The following GABRB2 variants were observed in gnomAD, a reference collection of about 807,000 sequenced individuals.
The protein encoded by GABRB2 is gamma-aminobutyric acid receptor subunit beta-2.
A neutral mutation model predicts 54.7 loss-of-function variants in GABRB2; 16 were observed. That is an observed-to-expected ratio of 0.29 (90% CI 0.20 to 0.44). The LOEUF is 0.44. Ranked by LOEUF, GABRB2 falls within the 20% of genes least tolerant of loss-of-function variation. GABRB2 has a pLI of 1.00. For missense variants in GABRB2, 355 were observed against 644.0 expected, an observed-to-expected ratio of 0.55 and a Z score of 4.86; for synonymous variants, 244 against 233.8, an observed-to-expected ratio of 1.04 and a Z score of -0.40.
At chr5:161,479,599 T>TG (rs1758693715) in intron 3 of GABRB2, among the ~76,000 whole-genome samples, 1 of 151,242 alleles carries the variant, frequency 6.6e-6, no homozygotes, top group Non-Finnish European at 1.5e-5. Context: ...TTTTTTTTTT[T>TG]TTTTGAGGTG....
At position 161,373,919 on chromosome 5, in the gene GABRB2, CTTTAT is replaced by C. The variant is rs147829012; in HGVS notation, c.541+37051_541+37055del. Among the ~76,000 whole-genome samples, 182 of 151,780 alleles carry C rather than the reference CTTTAT, an allele frequency of 1.2e-3. 1 individual carries two copies. The South Asian group carries it at 0.026, about 22-fold the overall frequency. ...GTCTCCAGTTCAGTCTTCTCGTCTT[CTTTAT>C]TTTATTTTATTTTATTTTATTAATT... On this transcript the variant is annotated intron_variant, in intron 5 of 9. Transcript: ENST00000393959.
At chr5:161,387,847 T>G (rs900014008) in intron 5 of GABRB2, among the ~76,000 whole-genome samples, 2 of 152,218 alleles carry the variant, frequency 1.3e-5, no homozygotes, top group Non-Finnish European at 2.9e-5. Flanking sequence ...ATGGCATGAG[T>G]TTTGAAAATT....
chr5:161,516,632 G>T (rs1759957993), intron 3 of GABRB2, among the ~76,000 whole-genome samples: 1 of 150,488 alleles, frequency 6.6e-6, no homozygotes, highest in Non-Finnish European at 1.5e-5. Context: ...TGTAGGGTTT[G>T]CAAATAAAGT....
At chr5:161,533,105 TG>T (rs138312965) in intron 3 of GABRB2, among the ~76,000 whole-genome samples, 31,065 of 152,058 alleles carry the variant, frequency 0.2, 3,616 homozygotes, top group Non-Finnish European at 0.27. Flanking sequence ...GGCAGGTAAA[TG>T]GGCAGTAGAT....
intron 5 of GABRB2, among the ~76,000 whole-genome samples, chr5:161,341,204 T>A (rs1341315124): frequency 6.6e-6 from 1 of 151,952 alleles, no homozygotes; most frequent in African/African-American, 2.4e-5. Context: ...TCTGGAGGAA[T>A]ATTTAGCAGT....
chr5:161,472,728 C>T (rs763611521), intron 3 of GABRB2, among the ~76,000 whole-genome samples: 8 of 151,978 alleles, frequency 5.3e-5, no homozygotes, highest in Admixed American at 5.3e-4. Context: ...GAGGGATGTA[C>T]GGTGCTACCT....
In GABRB2 at chr5:161,389,765, G is replaced by A. The variant is rs1459793818; in HGVS notation, c.541+21210C>T. ...TCTTTAATAACTCAAAAACCTCTAGGATACATCTCAAAGGTAATATTTTAC... is the reference window on the plus strand; with the variant it reads ...TCTTTAATAACTCAAAAACCTCTAGAATACATCTCAAAGGTAATATTTTAC... On this transcript the variant is annotated intron_variant, in intron 5 of 9. Coordinates refer to ENST00000393959, the MANE Select transcript of GABRB2 (RefSeq NM_001371727.1). 2.6e-5 allele frequency among the ~76,000 whole-genome samples: 4 copies of A among 151,776 alleles called. No individual in the cohort carries two copies. In the East Asian group the frequency reaches 7.7e-4, roughly 29 times the overall value.
At chr5:161,488,339 T>C (rs187686087) in intron 3 of GABRB2, among the ~76,000 whole-genome samples, 1 of 151,024 alleles carries the variant, frequency 6.6e-6, no homozygotes, top group East Asian at 2.0e-4. Context: ...GTCCTAGGAG[T>C]ATGTTTTGGG....
intron 3 of GABRB2, among the ~76,000 whole-genome samples, chr5:161,463,559 A>T (rs1317582108): frequency 1.7e-5 from 1 of 59,660 alleles, no homozygotes. Flanking sequence ...TTTTATTTAT[A>T]TATATATATA....
chr5:161,401,836 C>T (rs1398140350), intron 5 of GABRB2, among the ~76,000 whole-genome samples: 2 of 152,090 alleles, frequency 1.3e-5, no homozygotes, highest in Admixed American at 6.6e-5. Flanking sequence ...GAAAATTCAA[C>T]TTCTATGCAT....
chr5:161,391,899 A>G (rs1755834703), intron 5 of GABRB2, among the ~76,000 whole-genome samples: 1 of 152,166 alleles, frequency 6.6e-6, no homozygotes. Context: ...ACTGACTGCT[A>G]TTATGTTCCC....
At chr5:161,311,987 G>A (rs948116831) in intron 9 of GABRB2, among the ~76,000 whole-genome samples, 5 of 151,942 alleles carry the variant, frequency 3.3e-5, no homozygotes, top group Middle Eastern at 3.4e-3. Context: ...CATCTATTTG[G>A]TAAAGGGTAG....
chr5:161,518,197 T>C (rs1009065894), intron 3 of GABRB2, among the ~76,000 whole-genome samples: 6 of 152,238 alleles, frequency 3.9e-5, no homozygotes, highest in Non-Finnish European at 8.8e-5. Context: ...GGGAAGATTC[T>C]ATTCTTAACA....
rs1449809412 is a variant in GABRB2, at chr5:161,316,151, G to A, written c.1191+10217C>T. Among the ~76,000 whole-genome samples, 11 of 152,146 alleles carry A rather than the reference G, an allele frequency of 7.2e-5. No homozygotes were observed. In the South Asian group the frequency reaches 1.4e-3, roughly 20 times the overall value. ...AGAGCTATGTAATTTTGAGGTTACT[G>A]GATGAGATCTTGATGATCACATCCT... is the stretch of plus-strand genomic sequence containing the variant. On this transcript the variant is annotated intron_variant, in intron 9 of 9. Coordinates refer to ENST00000393959, the MANE Select transcript of GABRB2 (RefSeq NM_001371727.1).
In GABRB2 at chr5:161,289,224, G is replaced by A. The variant is rs1757167179; in HGVS notation, c.*4857C>T. Reference sequence around the variant, plus strand: ...TTCCAAAAACCTAGTAGCTTTTTAAGAGTGCTGCTTTTTTTTTTTTTTTTT... The same window carrying A: ...TTCCAAAAACCTAGTAGCTTTTTAAAAGTGCTGCTTTTTTTTTTTTTTTTT... On this transcript the variant is annotated 3_prime_UTR_variant, in exon 10 of 10. Coordinates refer to ENST00000393959, the MANE Select transcript of GABRB2 (RefSeq NM_001371727.1). 1 of 93,350 alleles carries A rather than the reference G, an allele frequency of 1.1e-5. No homozygotes were observed. Among genetic ancestry groups the A allele is most frequent in the Non-Finnish European group, 1.9e-5 (1 of 53,724 alleles). 5.8% of individuals were successfully genotyped at this position (93,350 alleles called of 1,614,324 possible). A position where few individuals can be genotyped will look rare whatever the true frequency, so the allele number is the denominator to read the frequency against.
At chr5:161,478,091 C>T (rs537364291) in intron 3 of GABRB2, among the ~76,000 whole-genome samples, 42 of 152,112 alleles carry the variant, frequency 2.8e-4, no homozygotes, top group South Asian at 2.7e-3. Context: ...ATAACTGGAG[C>T]TATTCTTCCC....
rs764431512 is a variant in GABRB2, at chr5:161,545,341, A to T, written c.170-47T>A. ...CACGTGATTTCTTTGAACTTCATTC[A>T]TTCTCAGCAAGAGTTATCCCTGAGC... On this transcript the variant is annotated intron_variant, in intron 2 of 9. Transcript: ENST00000393959. The T allele has an allele frequency of 2.0e-6, 3 of 1,467,050 alleles. No individual in the cohort carries two copies. In the Admixed American group the frequency reaches 5.9e-5, roughly 29 times the overall value. 90.9% of individuals were successfully genotyped at this position (1,467,050 alleles called of 1,614,324 possible).
intron 4 of GABRB2, among the ~76,000 whole-genome samples, chr5:161,421,738 A>G (rs1007770422): frequency 1.8e-4 from 28 of 152,216 alleles, no homozygotes; most frequent in African/African-American, 6.3e-4. Context: ...TCAGATGGTG[A>G]CAAATATCAT....
chr5:161,346,982 A>C (rs953748533), intron 5 of GABRB2, among the ~76,000 whole-genome samples: 3 of 152,112 alleles, frequency 2.0e-5, no homozygotes, highest in Non-Finnish European at 2.9e-5. Context: ...GCTCATGTAA[A>C]TAGCAAGAGA....
Sources: gnomAD v4.1 joint callset for allele counts (sites outside exome capture counted in the v4.1 genomes callset) on GRCh38, gnomAD v4.1.1 for gene constraint, MANE v1.5 for transcripts, NCBI Gene and HGNC (gene_info 2026-07-23, HGNC 2026-07-21) for gene names.